PPP1R1C: variants seen among roughly 807,000 people sequenced by gnomAD.
PPP1R1C encodes the protein protein phosphatase 1 regulatory inhibitor subunit 1C.
In PPP1R1C, 15 loss-of-function variants were observed where a neutral mutation model predicts 17.4. The ratio of observed to expected loss-of-function variants is 0.86; its 90% CI spans 0.58 to 1.33. The LOEUF (loss-of-function observed/expected upper bound fraction) is 1.33. Among genes scored for constraint, PPP1R1C ranks in the 40% most tolerant of loss-of-function variants. The pLI, the probability that PPP1R1C is intolerant of heterozygous loss-of-function variation, is 0.00. For synonymous variants in PPP1R1C, 35 were observed against 43.1 expected (o/e 0.81, Z 0.73); for missense variants, 143 against 130.0 (o/e 1.10, Z -0.48).
intron 2 of PPP1R1C, among the ~76,000 whole-genome samples, chr2:182,029,497 T>A (rs1686745481): frequency 1.3e-5 from 2 of 150,294 alleles, no homozygotes; most frequent in Non-Finnish European, 2.9e-5. Flanking sequence ...GATATGAAAT[T>A]CTGGGTTGAA....
intron 3 of PPP1R1C, 144 bp downstream of exon 3, chr2:182,061,623 G>GC: frequency 2.1e-6 from 1 of 472,234 alleles, no homozygotes. Flanking sequence ...CAGTAATATA[G>GC]TGTCATTAAA....
At chr2:182,125,101 G>A (rs1689842916) in intron 5 of PPP1R1C, among the ~76,000 whole-genome samples, 1 of 152,142 alleles carries the variant, frequency 6.6e-6, no homozygotes, top group South Asian at 2.1e-4. Flanking sequence ...AGTGTTTTTA[G>A]CATGAAGGAG....
chr2:182,031,167 T>G (rs529399442), intron 2 of PPP1R1C, among the ~76,000 whole-genome samples: 1 of 152,232 alleles, frequency 6.6e-6, no homozygotes, highest in African/African-American at 2.4e-5. Context: ...AGAAATCACC[T>G]GTCTTCTGCA....
At chr2:182,124,358 G>T (rs1353436246) in intron 5 of PPP1R1C, among the ~76,000 whole-genome samples, 2 of 95,594 alleles carry the variant, frequency 2.1e-5, no homozygotes, top group African/African-American at 4.3e-5. Flanking sequence ...TTTTTGCTTA[G>T]GATTGTCTTG....
chr2:182,014,595 C>T lies in PPP1R1C; in HGVS notation c.142+26696C>T, dbSNP rs769376555. 8.6e-5 allele frequency among the ~76,000 whole-genome samples: 13 copies of T among 151,366 alleles called. 1 individual carries two copies. The highest frequency in any genetic ancestry group is 5.9e-4 in the Admixed American group (9 of 15,194). ...CAAGGGCTCTTCAGTCAGTAAGTGG[C>T]GAATCCAGCCAGGCTGATGTCCTTC... On this transcript the variant is annotated intron_variant, in intron 2 of 4. Coordinates refer to ENST00000682840, the MANE Select transcript of PPP1R1C (RefSeq NM_001080545.3).
intron 2 of PPP1R1C, among the ~76,000 whole-genome samples, chr2:181,991,643 C>T (rs377600864): frequency 6.6e-6 from 1 of 152,136 alleles, no homozygotes; most frequent in East Asian, 1.9e-4. Context: ...TAGGGAATCG[C>T]CAAAGTTCCC....
intron 2 of PPP1R1C, among the ~76,000 whole-genome samples, chr2:182,020,358 G>A (rs1179032716): frequency 6.6e-6 from 1 of 152,144 alleles, no homozygotes. Context: ...CTGGAATTGG[G>A]GGTTAGAGAA....
intron 2 of PPP1R1C, among the ~76,000 whole-genome samples, chr2:182,042,047 C>G (rs1687200415): frequency 6.6e-6 from 1 of 152,158 alleles, no homozygotes; most frequent in South Asian, 2.1e-4. Context: ...TCCTTCTCTT[C>G]CACTTATCTG....
At chr2:182,096,353 TGGAGAAAGGCA>T (rs1688936582) in intron 4 of PPP1R1C, among the ~76,000 whole-genome samples, 1 of 152,290 alleles carries the variant, frequency 6.6e-6, no homozygotes, top group South Asian at 2.1e-4. Flanking sequence ...CATGTTTCAG[TGGAGAAAGGCA>T]GGAGAAAGAC....
chr2:182,060,963 G>T (rs1687831974), intron 2 of PPP1R1C, among the ~76,000 whole-genome samples: 1 of 152,128 alleles, frequency 6.6e-6, no homozygotes, highest in Non-Finnish European at 1.5e-5. Context: ...GGAGCAATTA[G>T]TTCTTTCCAG....
chr2:182,067,576 A>T (rs1012569606), intron 4 of PPP1R1C, among the ~76,000 whole-genome samples: 13 of 152,142 alleles, frequency 8.5e-5, no homozygotes, highest in African/African-American at 3.1e-4. Context: ...ATGAAAGGAC[A>T]TGGACTTTGG....
intron 4 of PPP1R1C, among the ~76,000 whole-genome samples, chr2:182,106,166 C>G (rs1689244708): frequency 6.6e-6 from 1 of 152,140 alleles, no homozygotes; most frequent in African/African-American, 2.4e-5. Context: ...CAGGGAAGTA[C>G]TGGGTAGAGA....
chr2:182,083,163 T>A (rs1688530827), intron 4 of PPP1R1C, among the ~76,000 whole-genome samples: 1 of 152,232 alleles, frequency 6.6e-6, no homozygotes, highest in South Asian at 2.1e-4. Context: ...TAGATTATTG[T>A]CATACTTTCA....
At chr2:181,968,746 C>T (rs1559040589) in intron 1 of PPP1R1C, among the ~76,000 whole-genome samples, 1 of 151,930 alleles carries the variant, frequency 6.6e-6, no homozygotes, top group African/African-American at 2.4e-5. Context: ...TATTTGTTTT[C>T]TGGTTGTTTT....
At chr2:182,115,648 A>G in intron 4 of PPP1R1C, among the ~76,000 whole-genome samples, 1 of 152,194 alleles carries the variant, frequency 6.6e-6, no homozygotes, top group East Asian at 1.9e-4. Flanking sequence ...TCTTAGCAAC[A>G]AATTTCTCCC....
At chr2:182,005,128 A>G (rs1471759018) in intron 2 of PPP1R1C, among the ~76,000 whole-genome samples, 1 of 152,222 alleles carries the variant, frequency 6.6e-6, no homozygotes, top group African/African-American at 2.4e-5. Context: ...AAAAACAGAA[A>G]TGTTTACCTA....
intron 5 of PPP1R1C, among the ~76,000 whole-genome samples, chr2:182,124,619 C>T (rs1173408633): frequency 2.0e-5 from 3 of 151,826 alleles, no homozygotes; most frequent in African/African-American, 4.8e-5. Context: ...TCACATCCCT[C>T]GTAAGTTGCA....
intron 4 of PPP1R1C, among the ~76,000 whole-genome samples, chr2:182,091,780 A>G (rs1163381418): frequency 1.3e-5 from 2 of 152,044 alleles, no homozygotes; most frequent in East Asian, 1.9e-4. Flanking sequence ...TACCTCACCT[A>G]TTTGTTCCAA....
chr2:182,076,216 TTTTTTTTTTTTTTTTTTTTTTTG>T (rs1688303538), intron 4 of PPP1R1C, among the ~76,000 whole-genome samples: 1 of 101,598 alleles, frequency 9.8e-6, no homozygotes, highest in African/African-American at 4.2e-5. Flanking sequence ...TTTTTTTTTT[TTTTTTTTTTTTTTTTTTTTTTTG>T]AGACGGAGTC....
Sources: gnomAD v4.1 joint callset for allele counts (sites outside exome capture counted in the v4.1 genomes callset) on GRCh38, gnomAD v4.1.1 for gene constraint, MANE v1.5 for transcripts, NCBI Gene and HGNC (gene_info 2026-07-23, HGNC 2026-07-21) for gene names.